The following ROBO2 variants were observed in gnomAD, a reference collection of about 807,000 sequenced individuals.
ROBO2 encodes the protein roundabout guidance receptor 2, also known as roundabout homolog 2.
A neutral mutation model predicts 160.8 loss-of-function variants in ROBO2; 53 were observed. That is an observed-to-expected ratio of 0.33 (90% CI 0.26 to 0.41). The LOEUF (loss-of-function observed/expected upper bound fraction) is 0.41, where lower values mean the gene tolerates loss of function less well. Ranked by LOEUF, ROBO2 falls within the 10% of genes least tolerant of loss-of-function variation. The probability of loss-of-function intolerance (pLI) is 1.00; values close to 1 mark genes in which losing one functional copy is unlikely to be tolerated. For synonymous variants in ROBO2, 664 were observed against 611.7 expected, an observed-to-expected ratio of 1.09 and a Z score of -1.26; for missense variants, 1,577 against 1,722.4, an observed-to-expected ratio of 0.92 and a Z score of 1.49.
intron 2 of ROBO2, among the ~76,000 whole-genome samples, chr3:76,615,097 A>G (rs1467694150): frequency 3.3e-5 from 5 of 152,094 alleles, no homozygotes; most frequent in African/African-American, 1.2e-4. Context: ...CTCTAGACCA[A>G]TGGTTTTTTG....
intron 2 of ROBO2, among the ~76,000 whole-genome samples, chr3:76,423,320 C>T (rs2076072857): frequency 6.6e-6 from 1 of 152,130 alleles, no homozygotes; most frequent in Admixed American, 6.6e-5. Context: ...CACAACAAAA[C>T]CAAACATAAA....
intron 2 of ROBO2, among the ~76,000 whole-genome samples, chr3:76,686,451 T>C (rs1042497910): frequency 2.0e-5 from 3 of 148,630 alleles, no homozygotes; most frequent in African/African-American, 7.9e-5. Context: ...TCCTAATATT[T>C]TCCTGCTCAT....
chr3:77,551,068 C>A, intron 8 of ROBO2, 79 bp downstream of exon 9: 1 of 1,474,230 alleles, frequency 6.8e-7, no homozygotes, highest in Non-Finnish European at 9.4e-7. Flanking sequence ...GTGGAGTTTG[C>A]TGATTTGTTA....
At chr3:76,494,678 C>G (rs2080040570) in intron 2 of ROBO2, among the ~76,000 whole-genome samples, 1 of 152,118 alleles carries the variant, frequency 6.6e-6, no homozygotes, top group Non-Finnish European at 1.5e-5. Flanking sequence ...GTGACTTTAG[C>G]ACAAAATAAT....
chr3:77,276,049 T>C (rs1390074217), intron 2 of ROBO2, among the ~76,000 whole-genome samples: 1 of 152,158 alleles, frequency 6.6e-6, no homozygotes, highest in Non-Finnish European at 1.5e-5. Context: ...ATGTGTTATG[T>C]AGCTTGGATT....
At position 77,183,044 on chromosome 3, in the gene ROBO2, G is replaced by A. The variant is rs775337529; in HGVS notation, c.388+84704G>A. Among the ~76,000 whole-genome samples, 7 of 152,026 alleles carry A rather than the reference G, an allele frequency of 4.6e-5. 1 individual carries two copies. Among genetic ancestry groups the A allele is most frequent in the South Asian group, 4.1e-4 (2 of 4,824 alleles). ...TGCCTCAGGTCATTATAATCTACCC[G>A]GTCAGGCTCCAGACTGTCTCTGTAA... On this transcript the variant is annotated intron_variant, in intron 2 of 25. Transcript: ENST00000461745.
chr3:76,121,514 C>T (rs1437748824), intron 2 of ROBO2, among the ~76,000 whole-genome samples: 1 of 152,094 alleles, frequency 6.6e-6, no homozygotes, highest in Non-Finnish European at 1.5e-5. Flanking sequence ...CATTTATAAG[C>T]TAAGTGTTTA....
intron 2 of ROBO2, among the ~76,000 whole-genome samples, chr3:77,428,287 C>T (rs1489367322): frequency 1.4e-5 from 2 of 146,284 alleles, no homozygotes; most frequent in African/African-American, 5.1e-5. Context: ...GCCTGTAATA[C>T]ATAAAATGTA....
intron 2 of ROBO2, among the ~76,000 whole-genome samples, chr3:76,023,291 C>G (rs921477564): frequency 6.6e-6 from 1 of 151,624 alleles, no homozygotes; most frequent in South Asian, 2.1e-4. Flanking sequence ...CCCTTGTGTT[C>G]GTAAGTTGGC....
intron 2 of ROBO2, among the ~76,000 whole-genome samples, chr3:76,499,143 C>A (rs927046538): frequency 6.6e-5 from 10 of 152,136 alleles, no homozygotes; most frequent in Non-Finnish European, 1.3e-4. Context: ...AAGATGCTAC[C>A]ACTGATCTCA....
intron 2 of ROBO2, among the ~76,000 whole-genome samples, chr3:76,845,486 G>A (rs962888944): frequency 6.6e-6 from 1 of 151,904 alleles, no homozygotes; most frequent in East Asian, 1.9e-4. Context: ...CAATGTGACA[G>A]AGATATAGAA....
chr3:76,967,998 T>A (rs1553710397), intron 2 of ROBO2, among the ~76,000 whole-genome samples: 1 of 152,202 alleles, frequency 6.6e-6, no homozygotes, highest in Non-Finnish European at 1.5e-5. Flanking sequence ...ATTTCTTGAC[T>A]TTGGAAGGCT....
chr3:76,605,977 G>C (rs879280012), intron 2 of ROBO2, among the ~76,000 whole-genome samples: 1 of 152,166 alleles, frequency 6.6e-6, no homozygotes, highest in Middle Eastern at 3.4e-3. Context: ...TTATTTGGAG[G>C]AAAGCCAAGC....
At chr3:76,769,620 C>T (rs184969858) in intron 2 of ROBO2, among the ~76,000 whole-genome samples, 175 of 151,492 alleles carry the variant, frequency 1.2e-3, no homozygotes, top group South Asian at 2.7e-3. Context: ...TGTGGTTATG[C>T]TTGTAATCTA....
chr3:76,049,919 T>C (rs1401705695), intron 2 of ROBO2, among the ~76,000 whole-genome samples: 1 of 152,150 alleles, frequency 6.6e-6, no homozygotes, highest in East Asian at 1.9e-4. Flanking sequence ...GCCTCTTCTT[T>C]GTGCTGTAAA....
At chr3:76,118,119 T>G (rs2070556487) in intron 2 of ROBO2, among the ~76,000 whole-genome samples, 1 of 152,098 alleles carries the variant, frequency 6.6e-6, no homozygotes, top group South Asian at 2.1e-4. Context: ...GTTGTGCACA[T>G]GTACCCTAGA....
At chr3:77,520,614 GA>G in intron 5 of ROBO2, among the ~76,000 whole-genome samples, 1 of 151,134 alleles carries the variant, frequency 6.6e-6, no homozygotes, top group East Asian at 2.0e-4. Flanking sequence ...TGTAGCTCTT[GA>G]AAAAACTCAG....
At chr3:76,863,387 G>C (rs775092811) in intron 2 of ROBO2, among the ~76,000 whole-genome samples, 13 of 150,510 alleles carry the variant, frequency 8.6e-5, no homozygotes, top group Non-Finnish European at 1.6e-4. Context: ...ACAGTGAGCT[G>C]TGATTACGTC....
chr3:76,850,675 C>A (rs547351770), intron 2 of ROBO2, among the ~76,000 whole-genome samples: 1 of 152,230 alleles, frequency 6.6e-6, no homozygotes, highest in African/African-American at 2.4e-5. Flanking sequence ...CCCAAAGACA[C>A]CAGCTGTATT....
Sources: gnomAD v4.1 joint callset for allele counts (sites outside exome capture counted in the v4.1 genomes callset) on GRCh38, gnomAD v4.1.1 for gene constraint, MANE v1.5 for transcripts, NCBI Gene and HGNC (gene_info 2026-07-23, HGNC 2026-07-21) for gene names.